The following ZNF385D variants were observed in gnomAD, a reference collection of about 807,000 sequenced individuals.
The protein encoded by ZNF385D is zinc finger protein 659.
A neutral mutation model predicts 35.8 loss-of-function variants in ZNF385D; 15 were observed. The ratio of observed to expected loss-of-function variants is 0.42; its 90% CI spans 0.28 to 0.64. The LOEUF is 0.64. ZNF385D is among the 30% of genes least tolerant of loss of function. The pLI, the probability that ZNF385D is intolerant of heterozygous loss-of-function variation, is 0.23. For missense variants in ZNF385D, 474 were observed against 494.6 expected (o/e 0.96, Z 0.39); for synonymous variants, 212 against 186.8 (o/e 1.13, Z -1.10).
At position 22,050,367 on chromosome 3, in the gene ZNF385D, C is replaced by A. The variant is rs543999228; in HGVS notation, c.325+118450G>T. Among the ~76,000 whole-genome samples, 157 of 149,914 alleles carry A rather than the reference C, an allele frequency of 1.0e-3. 1 individual carries two copies. The highest frequency in any genetic ancestry group is 7.4e-4 in the Non-Finnish European group (50 of 67,528). On this transcript the variant is annotated intron_variant, in intron 3 of 5. Transcript: ENST00000494108. ...ACAGAGCAAGACTCTGTCAAAAAAA[C>A]AAACAAACAAACAAACAAAAAAACC...
intron 2 of ZNF385D, among the ~76,000 whole-genome samples, chr3:22,196,140 G>T (rs745425524): frequency 2.6e-5 from 4 of 151,996 alleles, no homozygotes; most frequent in Non-Finnish European, 5.9e-5. Context: ...GTTTACCCAT[G>T]TAACAAAACT....
At chr3:21,740,611 T>G (rs1460982762) in intron 1 of ZNF385D, among the ~76,000 whole-genome samples, 1 of 152,132 alleles carries the variant, frequency 6.6e-6, no homozygotes, top group African/African-American at 2.4e-5. Flanking sequence ...ACAGGCAATG[T>G]GTAATCAGGC....
At chr3:21,751,348 G>A (rs1285526434), upstream of ZNF385D, 2 of 1,048,630 alleles carry the variant, frequency 1.9e-6, no homozygotes, top group African/African-American at 3.4e-5. Context: ...ACTTGGGAAG[G>A]GGCGGAGTGA....
At chr3:22,189,235 T>A (rs1297546585) in intron 2 of ZNF385D, among the ~76,000 whole-genome samples, 1 of 152,162 alleles carries the variant, frequency 6.6e-6, no homozygotes, top group Non-Finnish European at 1.5e-5. Context: ...CCATTAGGTA[T>A]GACCTATGGC....
At chr3:21,775,506 G>A (rs1575628604) in intron 3 of ZNF385D, among the ~76,000 whole-genome samples, 1 of 151,976 alleles carries the variant, frequency 6.6e-6, no homozygotes, top group South Asian at 2.1e-4. Context: ...TAAACTCTCA[G>A]TGAACCTATT....
At chr3:22,151,980 T>A (rs114706708) in intron 3 of ZNF385D, among the ~76,000 whole-genome samples, 1,711 of 152,178 alleles carry the variant, frequency 0.011, 29 homozygotes, top group African/African-American at 0.039. Context: ...CAGTAGTAAT[T>A]TTTTTCTGTT....
At chr3:22,169,745 C>T (rs770190704) in intron 2 of ZNF385D, among the ~76,000 whole-genome samples, 3 of 152,104 alleles carry the variant, frequency 2.0e-5, no homozygotes, top group Non-Finnish European at 4.4e-5. Flanking sequence ...TATACTAAAA[C>T]CAAAGAGAAA....
At chr3:21,928,735 G>C (rs1335619252) in intron 3 of ZNF385D, among the ~76,000 whole-genome samples, 2 of 152,062 alleles carry the variant, frequency 1.3e-5, no homozygotes, top group Admixed American at 1.3e-4. Context: ...TAGACATTTA[G>C]ATAAAATGGA....
intron 2 of ZNF385D, among the ~76,000 whole-genome samples, chr3:22,370,611 A>T (rs1306848700): frequency 6.6e-6 from 1 of 152,228 alleles, no homozygotes; most frequent in African/African-American, 2.4e-5. Context: ...AGGCTCAAAG[A>T]GGTTGTGTAG....
intron 1 of ZNF385D, among the ~76,000 whole-genome samples, chr3:21,746,848 T>C (rs1220905088): frequency 1.3e-5 from 2 of 152,150 alleles, no homozygotes; most frequent in East Asian, 3.9e-4. Flanking sequence ...AACCTTGCCA[T>C]TTAAATATTT....
intron 2 of ZNF385D, among the ~76,000 whole-genome samples, chr3:21,588,163 T>C (rs2063867053): frequency 1.3e-5 from 2 of 152,174 alleles, no homozygotes; most frequent in Admixed American, 6.5e-5. Context: ...TGATAATTGC[T>C]GTAAAACAGA....
intron 3 of ZNF385D, among the ~76,000 whole-genome samples, chr3:21,973,042 G>A (rs1326538812): frequency 6.6e-6 from 1 of 151,816 alleles, no homozygotes; most frequent in African/African-American, 2.4e-5. Flanking sequence ...AAAGGGGAGA[G>A]GGAATACTTC....
intron 2 of ZNF385D, among the ~76,000 whole-genome samples, chr3:22,312,558 A>G (rs1213035142): frequency 4.6e-5 from 7 of 152,036 alleles, no homozygotes; most frequent in Non-Finnish European, 7.4e-5. Context: ...ATTTACAAGA[A>G]AAAAACAAAT....
In ZNF385D at chr3:21,894,684, C is replaced by T. The variant is rs146939456; in HGVS notation, c.326-229656G>A. Among the ~76,000 whole-genome samples the T allele has an allele frequency of 5.9e-5, 9 of 152,206 alleles. No individual in the cohort carries two copies. In the East Asian group the frequency reaches 1.5e-3, roughly 26 times the overall value. ...CTCCCTCCAGTGGCTAAGTTAGCAA[C>T]CACAGATCTGAAATGTCTATTTTAA... On this transcript the variant is annotated intron_variant, in intron 3 of 5. Transcript: ENST00000494108.
chr3:21,734,973 G>C (rs2069177677), intron 1 of ZNF385D, among the ~76,000 whole-genome samples: 1 of 152,146 alleles, frequency 6.6e-6, no homozygotes, highest in Non-Finnish European at 1.5e-5. Flanking sequence ...ACTCGTGTGG[G>C]CTGCAGTGAT....
intron 2 of ZNF385D, among the ~76,000 whole-genome samples, chr3:21,591,146 A>T (rs2063964929): frequency 6.6e-6 from 1 of 152,168 alleles, no homozygotes; most frequent in African/African-American, 2.4e-5. Context: ...CAGTGAGCCA[A>T]TATCATGCCA....
At chr3:21,920,489 C>T (rs1326546060) in intron 3 of ZNF385D, among the ~76,000 whole-genome samples, 1 of 151,596 alleles carries the variant, frequency 6.6e-6, no homozygotes, top group Non-Finnish European at 1.5e-5. Context: ...GTTTGGGTTT[C>T]AAGAGACTTC....
intron 4 of ZNF385D, among the ~76,000 whole-genome samples, chr3:21,504,145 G>A (rs1373931731): frequency 2.0e-5 from 3 of 152,070 alleles, no homozygotes; most frequent in Non-Finnish European, 2.9e-5. Flanking sequence ...CCAATTAGAT[G>A]ACTAAGGAAA....
At chr3:22,220,331 C>T (rs993757799) in intron 2 of ZNF385D, among the ~76,000 whole-genome samples, 15 of 152,132 alleles carry the variant, frequency 9.9e-5, no homozygotes, top group Admixed American at 2.0e-4. Context: ...TCTGAAAGTG[C>T]TGGAATTACA....
Sources: gnomAD v4.1 joint callset for allele counts (sites outside exome capture counted in the v4.1 genomes callset) on GRCh38, gnomAD v4.1.1 for gene constraint, MANE v1.5 for transcripts, NCBI Gene and HGNC (gene_info 2026-07-23, HGNC 2026-07-21) for gene names.